The following RAPGEF6 variants were observed in gnomAD, a reference collection of about 807,000 sequenced individuals.
The protein encoded by RAPGEF6 is Rap guanine nucleotide exchange factor 6.
A neutral mutation model predicts 171.4 loss-of-function variants in RAPGEF6; 56 were observed. The ratio of observed to expected loss-of-function variants is 0.33; its 90% confidence interval spans 0.26 to 0.41. The LOEUF is 0.41. Among genes scored for constraint, RAPGEF6 ranks in the 10% least tolerant of loss-of-function variants. The pLI, the probability that RAPGEF6 is intolerant of heterozygous loss-of-function variation, is 1.00. For synonymous variants in RAPGEF6, 692 were observed against 650.1 expected, an observed-to-expected ratio of 1.06 and a Z score of -0.98; for missense variants, 1,674 against 1,921.4, an observed-to-expected ratio of 0.87 and a Z score of 2.41.
intron 7 of RAPGEF6, among the ~76,000 whole-genome samples, chr5:131,512,011 G>A (rs1215638504): frequency 6.6e-6 from 1 of 152,172 alleles, no homozygotes; most frequent in Non-Finnish European, 1.5e-5. Context: ...ATAGCCTCAT[G>A]GAAACGCCTT....
intron 16 of RAPGEF6, among the ~76,000 whole-genome samples, chr5:131,477,409 T>G (rs1249737623): frequency 6.6e-6 from 1 of 152,258 alleles, no homozygotes; most frequent in Non-Finnish European, 1.5e-5. Context: ...AGCATTTTCT[T>G]GTTGGCACAA....
At chr5:131,630,773 T>C (rs991815894) in intron 1 of RAPGEF6, among the ~76,000 whole-genome samples, 9 of 152,330 alleles carry the variant, frequency 5.9e-5, no homozygotes, top group African/African-American at 1.9e-4. Flanking sequence ...GAACCATTCA[T>C]TTTGTCCCAG....
intron 15 of RAPGEF6, among the ~76,000 whole-genome samples, chr5:131,482,885 G>A (rs541314475): frequency 2.0e-5 from 3 of 152,292 alleles, no homozygotes; most frequent in African/African-American, 7.2e-5. Context: ...CAAAGTCCCT[G>A]TGGTAGAAGG....
intron 5 of RAPGEF6, among the ~76,000 whole-genome samples, chr5:131,560,323 T>C (rs1039043921): frequency 6.6e-6 from 1 of 152,204 alleles, no homozygotes; most frequent in Admixed American, 6.5e-5. Flanking sequence ...TATTATCCAA[T>C]CTGTAGTGCA....
At chr5:131,463,799 T>C (rs1754121726) in intron 18 of RAPGEF6, 2 of 1,127,754 alleles carry the variant, frequency 1.8e-6, no homozygotes, top group Non-Finnish European at 2.2e-6. Flanking sequence ...GATACAGTCA[T>C]TCAGATATAT....
intron 4 of RAPGEF6, among the ~76,000 whole-genome samples, chr5:131,578,268 T>C (rs1762723017): frequency 6.6e-6 from 1 of 152,134 alleles, no homozygotes; most frequent in Non-Finnish European, 1.5e-5. Flanking sequence ...ACCTCCAGCA[T>C]ACTATCAATT....
At chr5:131,459,549 A>AT (rs1191780680) in intron 19 of RAPGEF6, among the ~76,000 whole-genome samples, 1 of 152,218 alleles carries the variant, frequency 6.6e-6, no homozygotes, top group African/African-American at 2.4e-5. Flanking sequence ...CTACATAAAA[A>AT]TAAAAAAATT....
chr5:131,435,911 T>TTAACAC, intron 24 of RAPGEF6: 1 of 1,491,208 alleles, frequency 6.7e-7, no homozygotes, highest in Non-Finnish European at 8.9e-7. Flanking sequence ...CATTAATAAC[T>TTAACAC]GAAAACAAAC....
intron 20 of RAPGEF6, among the ~76,000 whole-genome samples, chr5:131,454,103 C>T (rs994799896): frequency 6.6e-6 from 1 of 152,182 alleles, no homozygotes; most frequent in Non-Finnish European, 1.5e-5. Context: ...AAACCGAGTA[C>T]AGACACCCTG....
rs766163427 is a variant in RAPGEF6, at chr5:131,509,416, G to A, written c.805+898C>T. Among the ~76,000 whole-genome samples, 56 of 151,936 alleles carry A rather than the reference G, an allele frequency of 3.7e-4. 1 individual carries two copies. The highest frequency in any genetic ancestry group is 5.3e-4 in the Non-Finnish European group (36 of 67,984). ...AAATTAGCCAGGCGTGGTGGCGGGCGCCTGTAGTCCCAGCTACTCAGGAGG... is the reference window on the plus strand; with the variant it reads ...AAATTAGCCAGGCGTGGTGGCGGGCACCTGTAGTCCCAGCTACTCAGGAGG... On this transcript the variant is annotated intron_variant, in intron 8 of 27. Coordinates refer to ENST00000509018, the MANE Select transcript of RAPGEF6 (RefSeq NM_016340.6).
chr5:131,578,211 C>T (rs531616629), intron 4 of RAPGEF6, among the ~76,000 whole-genome samples: 2 of 152,234 alleles, frequency 1.3e-5, no homozygotes, highest in Admixed American at 1.3e-4. Flanking sequence ...TCTACTCACT[C>T]TTATCCCTGC....
intron 21 of RAPGEF6, among the ~76,000 whole-genome samples, chr5:131,447,652 T>G (rs1294716208): frequency 6.6e-6 from 1 of 152,210 alleles, no homozygotes; most frequent in East Asian, 1.9e-4. Context: ...ATCTATGGAT[T>G]TTCTAAATTA....
chr5:131,578,241 T>C (rs979574781), intron 4 of RAPGEF6, among the ~76,000 whole-genome samples: 1 of 152,156 alleles, frequency 6.6e-6, no homozygotes, highest in African/African-American at 2.4e-5. Context: ...CCAGTCACTC[T>C]CTACCTCTCC....
At position 131,428,956 on chromosome 5, in the gene RAPGEF6, G is replaced by A. The variant is rs201265400; in HGVS notation, c.4726C>T (p.Gln1576Ter). 27 of 1,614,206 alleles carry A rather than the reference G, an allele frequency of 1.7e-5. No individual in the cohort carries two copies. The highest frequency in any genetic ancestry group is 2.3e-5 in the Non-Finnish European group (27 of 1,180,030). The change falls in exon 27 of 28, where the codon CAG becomes TAG. Residue 1576 changes from glutamine to a stop codon, truncating the protein, a stop_gained. Transcript: ENST00000509018. LOFTEE classifies it high-confidence loss of function. ...TCTCCTAGTTTAGGATGGAATGGCT[G>A]CAAATTATGCCTCTGAGGCTGAGTT... ...IVTQPQRHNL[Q>*]PFHPKLGDVT...
intron 16 of RAPGEF6, 42 bp downstream of exon 16, chr5:131,479,471 G>T: frequency 6.2e-7 from 1 of 1,600,200 alleles, no homozygotes; most frequent in Non-Finnish European, 8.5e-7. Flanking sequence ...ACTTTACAGT[G>T]AAGATGAAAA....
At chr5:131,615,763 A>T (rs1461399946) in intron 1 of RAPGEF6, among the ~76,000 whole-genome samples, 1 of 152,080 alleles carries the variant, frequency 6.6e-6, no homozygotes, top group Admixed American at 6.6e-5. Context: ...TTAGCTGGGC[A>T]TGGTGGCGCA....
At chr5:131,473,137 C>T (rs189455486) in intron 16 of RAPGEF6, among the ~76,000 whole-genome samples, 2,595 of 152,222 alleles carry the variant, frequency 0.017, 42 homozygotes, top group Admixed American at 0.063. Flanking sequence ...TTCTCTTTCC[C>T]TTTCTCCAGA....
At chr5:131,624,891 G>A (rs1355994226) in intron 1 of RAPGEF6, among the ~76,000 whole-genome samples, 1 of 152,228 alleles carries the variant, frequency 6.6e-6, no homozygotes, top group Non-Finnish European at 1.5e-5. Flanking sequence ...GGGAGGTCGA[G>A]GCGGGCAGAT....
chr5:131,519,656 C>T (rs775910982), intron 7 of RAPGEF6, among the ~76,000 whole-genome samples: 1 of 152,150 alleles, frequency 6.6e-6, no homozygotes, highest in Non-Finnish European at 1.5e-5. Context: ...CCCGCCTAGG[C>T]CTCCCATCCT....
Sources: gnomAD v4.1 joint callset for allele counts (sites outside exome capture counted in the v4.1 genomes callset) on GRCh38, gnomAD v4.1.1 for gene constraint, MANE v1.5 for transcripts, NCBI Gene and HGNC (gene_info 2026-07-23, HGNC 2026-07-21) for gene names.